Variants in TACR1 observed in about 807,000 individuals in gnomAD.
The protein encoded by TACR1 is substance-P receptor.
Under a neutral mutation model 35.8 loss-of-function variants are expected in TACR1, and 25 were observed. That is an observed-to-expected ratio of 0.70 (90% confidence interval 0.51 to 0.98). The LOEUF (loss-of-function observed/expected upper bound fraction) is 0.98, where lower values mean the gene tolerates loss of function less well. TACR1 is among the 50% of genes least tolerant of loss of function. The probability of loss-of-function intolerance (pLI) is 0.00; values close to 1 mark genes in which losing one functional copy is unlikely to be tolerated. For synonymous variants in TACR1, 195 were observed against 206.7 expected, an observed-to-expected ratio of 0.94 and a Z score of 0.48; for missense variants, 478 against 522.9, an observed-to-expected ratio of 0.91 and a Z score of 0.84.
intron 2 of TACR1, among the ~76,000 whole-genome samples, chr2:75,094,859 A>ATATATATATATATTTTTTTTTTTT: frequency 1.8e-5 from 2 of 113,102 alleles, no homozygotes; most frequent in African/African-American, 9.6e-5. Context: ...ATATATATAT[A>ATATATATATATATTTTTTTTTTTT]TTTTTTTTTT....
At chr2:75,161,258 A>C (rs975599849) in intron 1 of TACR1, among the ~76,000 whole-genome samples, 1 of 152,154 alleles carries the variant, frequency 6.6e-6, no homozygotes, top group Non-Finnish European at 1.5e-5. Context: ...ATTATGGCAA[A>C]TCTTGCAAAC....
chr2:75,164,616 A>C (rs940862866), intron 1 of TACR1, among the ~76,000 whole-genome samples: 4 of 152,156 alleles, frequency 2.6e-5, no homozygotes, highest in African/African-American at 9.7e-5. Flanking sequence ...GGCAGTTTGA[A>C]AGGTAAACTT....
chr2:75,052,163 G>C (rs998880670), intron 3 of TACR1, among the ~76,000 whole-genome samples: 4 of 152,134 alleles, frequency 2.6e-5, no homozygotes, highest in African/African-American at 9.7e-5. Flanking sequence ...GGTATTAGGA[G>C]GTGGCCTTTG....
intron 1 of TACR1, among the ~76,000 whole-genome samples, chr2:75,194,932 A>G (rs1419101809): frequency 6.6e-6 from 1 of 152,052 alleles, no homozygotes; most frequent in African/African-American, 2.4e-5. Context: ...CAGGGCTTGG[A>G]GATTGCCTCC....
At chr2:75,084,172 C>A (rs1247109699) in intron 2 of TACR1, among the ~76,000 whole-genome samples, 5 of 152,302 alleles carry the variant, frequency 3.3e-5, no homozygotes, top group African/African-American at 1.2e-4. Flanking sequence ...TTTTCTGCAT[C>A]TATTGAGATA....
intron 1 of TACR1, among the ~76,000 whole-genome samples, chr2:75,196,445 T>A (rs1294785769): frequency 6.6e-6 from 1 of 152,168 alleles, no homozygotes; most frequent in Non-Finnish European, 1.5e-5. Flanking sequence ...ATGCCATTGG[T>A]AACCTCCCTG....
chr2:75,059,178 C>G (rs191619627), intron 2 of TACR1, among the ~76,000 whole-genome samples: 2 of 152,312 alleles, frequency 1.3e-5, no homozygotes, highest in Non-Finnish European at 2.9e-5. Context: ...CAGTGCATTA[C>G]CATTCTTTGC....
rs1676058132 is a variant in TACR1 at position 75,198,735 on chromosome 2, G to A, written c.200C>T (p.Thr67Met). Residue 67 changes from threonine to methionine, a missense_variant, in exon 1 of 5, where the codon ACG (threonine) becomes ATG (methionine). Physicochemically the swap from Thr to Met is moderately conservative, Grantham distance 81. Coordinates refer to ENST00000305249, the MANE Select transcript of TACR1 (RefSeq NM_001058.4). ...GGCCAGGTTCACCAGAAAATAGTTCGTCACTGTCCTCATTCTTTTGTGGGC... is the reference window on the plus strand; with the variant it reads ...GGCCAGGTTCACCAGAAAATAGTTCATCACTGTCCTCATTCTTTTGTGGGC... ...ILAHKRMRTV[T>M]NYFLVNLAFA... The A allele has an allele frequency of 6.2e-7, 1 of 1,614,196 alleles. No individual in the cohort carries two copies. Among genetic ancestry groups the A allele is most frequent in the South Asian group, 1.1e-5 (1 of 91,072 alleles).
At chr2:75,143,276 A>G (rs1309263488) in intron 1 of TACR1, among the ~76,000 whole-genome samples, 1 of 152,224 alleles carries the variant, frequency 6.6e-6, no homozygotes, top group Non-Finnish European at 1.5e-5. Flanking sequence ...TTTTCTTGAC[A>G]TATTTTCATT....
chr2:75,122,250 A>G (rs905756152), intron 1 of TACR1, among the ~76,000 whole-genome samples: 1 of 152,186 alleles, frequency 6.6e-6, no homozygotes, highest in Non-Finnish European at 1.5e-5. Context: ...GGGCTTCGAC[A>G]GGTGTGCTGG....
chr2:75,173,078 G>A (rs148358915), intron 1 of TACR1, among the ~76,000 whole-genome samples: 4 of 152,086 alleles, frequency 2.6e-5, no homozygotes, highest in Admixed American at 6.5e-5. Flanking sequence ...ATCTTGGGGT[G>A]GGGGGTCAGG....
At chr2:75,053,882 GGGCTGTAA>G in intron 2 of TACR1, 127 bp from the exon 3 acceptor site, 1 of 1,305,234 alleles carries the variant, frequency 7.7e-7, no homozygotes, top group Middle Eastern at 2.1e-4. Flanking sequence ...TAATAAGCTT[GGGCTGTAA>G]AGCCCACTCC....
intron 1 of TACR1, among the ~76,000 whole-genome samples, chr2:75,139,822 G>A (rs192905448): frequency 6.6e-6 from 1 of 152,270 alleles, no homozygotes; most frequent in East Asian, 1.9e-4. Context: ...GCATTCAGAA[G>A]GGGGAAAACA....
intron 1 of TACR1, among the ~76,000 whole-genome samples, chr2:75,147,711 TCATC>T (rs1428340661): frequency 1.3e-5 from 2 of 151,834 alleles, no homozygotes; most frequent in African/African-American, 4.8e-5. Flanking sequence ...GCTTTCAGCT[TCATC>T]CAAGTCCCTG....
chr2:75,154,705 G>A (rs889685830), intron 1 of TACR1: 1 of 152,596 alleles, frequency 6.6e-6, no homozygotes, highest in Non-Finnish European at 1.5e-5. Flanking sequence ...TGTGGCTGGA[G>A]TCTCCTAACT....
intron 1 of TACR1, among the ~76,000 whole-genome samples, chr2:75,192,219 T>G (rs1675862507): frequency 6.6e-6 from 1 of 151,880 alleles, no homozygotes; most frequent in Admixed American, 6.6e-5. Context: ...CAGTAGAGAC[T>G]AATGATGATG....
At chr2:75,139,523 G>A (rs1360482879) in intron 1 of TACR1, among the ~76,000 whole-genome samples, 2 of 152,200 alleles carry the variant, frequency 1.3e-5, no homozygotes, top group African/African-American at 2.4e-5. Flanking sequence ...GTTGGAACAC[G>A]GGCTTAGCTG....
At chr2:75,108,144 A>G (rs1267184554) in intron 2 of TACR1, among the ~76,000 whole-genome samples, 9 of 152,066 alleles carry the variant, frequency 5.9e-5, no homozygotes, top group Admixed American at 4.6e-4. Context: ...GCTAATTCCA[A>G]TGCTATTTTG....
Position 75,049,136 on chromosome 2 carries a change from T to G in TACR1, c.*296A>C. ...AATGAGCACTCGCATGCAGCCAAAGTCACTTCCAGAATGGAATGAATGGGC... is the reference window on the plus strand; with the variant it reads ...AATGAGCACTCGCATGCAGCCAAAGGCACTTCCAGAATGGAATGAATGGGC... On this transcript the variant is annotated 3_prime_UTR_variant, in exon 5 of 5. Coordinates refer to ENST00000305249, the MANE Select transcript of TACR1 (RefSeq NM_001058.4). The G allele has an allele frequency of 2.7e-6, 1 of 369,964 alleles. No individual in the cohort carries two copies. The highest frequency in any genetic ancestry group is 4.9e-6 in the Non-Finnish European group (1 of 204,262). 22.9% of individuals were successfully genotyped at this position (369,964 alleles called of 1,614,324 possible). A position where few individuals can be genotyped will look rare whatever the true frequency, so the allele number is the denominator to read the frequency against.
Sources: gnomAD v4.1 joint callset for allele counts (sites outside exome capture counted in the v4.1 genomes callset) on GRCh38, gnomAD v4.1.1 for gene constraint, MANE v1.5 for transcripts, NCBI Gene and HGNC (gene_info 2026-07-23, HGNC 2026-07-21) for gene names.